RAB40B: variants seen among roughly 807,000 people sequenced by gnomAD.
RAB40B encodes ras-related protein Rab-40B.
Under a neutral mutation model 24.0 loss-of-function variants are expected in RAB40B, and 21 were observed. That is an observed-to-expected ratio of 0.88 (90% confidence interval 0.62 to 1.26). RAB40B has a LOEUF of 1.26. Among genes scored for constraint, RAB40B ranks in the 50% most tolerant of loss-of-function variants. RAB40B has a pLI of 0.00. For missense variants in RAB40B, 348 were observed against 390.5 expected (o/e 0.89, Z 0.92); for synonymous variants, 167 against 169.8 (o/e 0.98, Z 0.13).
At position 82,667,010 on chromosome 17, in the gene RAB40B, G is replaced by A. The variant is rs181083088; in HGVS notation, c.143-2454C>T. Among the ~76,000 whole-genome samples, 65 of 152,300 alleles carry A rather than the reference G, an allele frequency of 4.3e-4. No homozygotes were observed. The highest frequency in any genetic ancestry group is 3.4e-3 in the Middle Eastern group (1 of 294). ...CTGAGAGGCCGAGGGGAGAAGCAGC[G>A]CCGAGGCTCGCACCAGACCTCACCC... is the stretch of plus-strand genomic sequence containing the variant. On this transcript the variant is annotated intron_variant, in intron 1 of 5. Transcript: ENST00000571995. The surrounding 1 kb of genome is among the most constrained non-coding windows in gnomAD (Gnocchi z 4.3).
chr17:82,665,846 G>A (rs145627597), intron 1 of RAB40B, among the ~76,000 whole-genome samples: 5,059 of 150,508 alleles, frequency 0.034, 307 homozygotes, highest in African/African-American at 0.12. Context: ...CAGCCTGGGC[G>A]ACAGAGGGAG....
At chr17:82,696,927 T>A (rs2143568744) in intron 1 of RAB40B, 1 of 154,622 alleles carries the variant, frequency 6.5e-6, no homozygotes, top group South Asian at 1.8e-4. Flanking sequence ...ACGTGGCTCA[T>A]GGCATCCTAC....
intron 1 of RAB40B, among the ~76,000 whole-genome samples, chr17:82,677,338 C>T (rs1352511935): frequency 6.6e-6 from 1 of 152,218 alleles, no homozygotes; most frequent in Non-Finnish European, 1.5e-5. Context: ...AGGTTCTCAG[C>T]CCATCGTAAA....
intron 4 of RAB40B, 132 bp from the exon 5 acceptor site, chr17:82,658,845 G>T: frequency 1.3e-6 from 1 of 771,184 alleles, no homozygotes; most frequent in Non-Finnish European, 2.1e-6. Context: ...ATGGGACCTC[G>T]TTTGGAAAGA....
rs2046626097 is a variant in RAB40B at position 82,697,778 on chromosome 17, C to A, written c.142+677G>T. On this transcript the variant is annotated intron_variant, in intron 1 of 5. Transcript: ENST00000571995. This position sits in a 1 kb window ranked among gnomAD's most constrained non-coding sequence, Gnocchi z 4.9. ...CTTGGGGGATCCCCGGGCTGCCTGC[C>A]TGGGAGCTCTGGGCGCTCCGGCCTC... Among the ~76,000 whole-genome samples the A allele has an allele frequency of 6.6e-6, 1 of 152,240 alleles. No homozygotes were observed. Among genetic ancestry groups the A allele is most frequent in the Admixed American group, 6.5e-5 (1 of 15,292 alleles).
intron 1 of RAB40B, among the ~76,000 whole-genome samples, chr17:82,689,361 G>A (rs1306855694): frequency 6.6e-6 from 1 of 152,232 alleles, no homozygotes; most frequent in Non-Finnish European, 1.5e-5. Flanking sequence ...AGGGGCGATG[G>A]GTGGGCCTCC....
In RAB40B at chr17:82,691,542, C is replaced by T. The variant is rs182812865; in HGVS notation, c.142+6913G>A. Among the ~76,000 whole-genome samples, 44 of 152,216 alleles carry T rather than the reference C, an allele frequency of 2.9e-4. No homozygotes were observed. In the East Asian group the frequency reaches 6.0e-3, roughly 21 times the overall value. The stretch of plus-strand genomic sequence containing the variant: ...TCTCTACTAAAAATACAAAAATTAG[C>T]CGGGCATGGTACACCTGTAATCCCA... On this transcript the variant is annotated intron_variant, in intron 1 of 5. Coordinates refer to ENST00000571995, the MANE Select transcript of RAB40B (RefSeq NM_006822.3).
At position 82,698,601 on chromosome 17, in the gene RAB40B, A is replaced by G; in HGVS notation, c.-5T>C. 1 of 1,445,520 alleles carries G rather than the reference A, an allele frequency of 6.9e-7. No homozygotes were observed. Among genetic ancestry groups the G allele is most frequent in the Non-Finnish European group, 9.2e-7 (1 of 1,083,694 alleles). The allele number at this position is 1,445,520 out of a possible 1,614,324, so 89.5% of individuals were successfully genotyped here. A position where few individuals can be genotyped will look rare whatever the true frequency, so the allele number is the denominator to read the frequency against. ...CGGGCTGCCCAGGGCGCTCATCGTG[A>G]CGGCCCGGCGCCCCCACCCATGCCC... On this transcript the variant is annotated 5_prime_UTR_variant, in exon 1 of 6. Transcript: ENST00000571995.
At position 82,656,302 on chromosome 17, in the gene RAB40B, G is replaced by C. The variant is rs1294803804; in HGVS notation, c.*1561C>G. The C allele has an allele frequency of 6.6e-6, 1 of 152,054 alleles. No homozygotes were observed. The highest frequency in any genetic ancestry group is 1.5e-5 in the Non-Finnish European group (1 of 68,018). 9.4% of individuals were successfully genotyped at this position (152,054 alleles called of 1,614,324 possible). A position where few individuals can be genotyped will look rare whatever the true frequency, so the allele number is the denominator to read the frequency against. ...CATCAGCAGGAACTAGGAACATCTG[G>C]GTATTTTCTCGCTTCGTTTTTTTGG... On this transcript the variant is annotated 3_prime_UTR_variant, in exon 6 of 6. Transcript: ENST00000571995.
chr17:82,664,236 AGCTTGCTCCCTGGGGTGCTGGGCCGATGG>A, intron 2 of RAB40B, among the ~76,000 whole-genome samples: 1 of 37,428 alleles, frequency 2.7e-5, no homozygotes, highest in Middle Eastern at 0.022. Flanking sequence ...TGGTGGGGGG[AGCTTGCTCCCTGGGGTGCTGGGCCGATGG>A]TGGTGGGGGG....
intron 1 of RAB40B, among the ~76,000 whole-genome samples, chr17:82,674,629 A>T (rs2046377972): frequency 9.0e-6 from 1 of 110,572 alleles, no homozygotes; most frequent in Non-Finnish European, 1.9e-5. Flanking sequence ...ACAGAGCAAG[A>T]CTCGTCTTAA....
Position 82,676,714 on chromosome 17 carries a change from G to A in RAB40B, c.143-12158C>T, listed in dbSNP as rs936136922. On this transcript the variant is annotated intron_variant, in intron 1 of 5. Transcript: ENST00000571995. ...GTGATCTCAACTCACTGCAACCTCC[G>A]CCTCCTGGATTCAAGCGATTCTCCT... Among the ~76,000 whole-genome samples, 24 of 151,838 alleles carry A rather than the reference G, an allele frequency of 1.6e-4. No homozygotes were observed. In the Middle Eastern group the frequency reaches 0.01, roughly 65 times the overall value.
In RAB40B at chr17:82,692,610, G is replaced by A. The variant is rs74812537; in HGVS notation, c.142+5845C>T. 0.03 allele frequency among the ~76,000 whole-genome samples: 4,493 copies of A among 152,196 alleles called. 217 individuals carry two copies. The highest frequency in any genetic ancestry group is 0.1 in the African/African-American group (4,287 of 41,454). ...TGCGGGGTGGGGGTGGGGGGCATCC[G>A]ACTGAAAAAAGTGTGTCTCGATCCC... On this transcript the variant is annotated intron_variant, in intron 1 of 5. Coordinates refer to ENST00000571995, the MANE Select transcript of RAB40B (RefSeq NM_006822.3). This position sits in a 1 kb window ranked among gnomAD's most constrained non-coding sequence, Gnocchi z 4.0.
intron 1 of RAB40B, among the ~76,000 whole-genome samples, chr17:82,688,336 C>A (rs1020442657): frequency 6.7e-6 from 1 of 150,120 alleles, no homozygotes; most frequent in African/African-American, 2.4e-5. Flanking sequence ...TGTTTTGGGC[C>A]GGGCACGGTA....
intron 1 of RAB40B, among the ~76,000 whole-genome samples, chr17:82,671,305 C>CT: frequency 7.0e-6 from 1 of 143,692 alleles, no homozygotes; most frequent in Non-Finnish European, 1.6e-5. Flanking sequence ...CACTTCACCC[C>CT]GTAACTCTAA....
At chr17:82,662,423 G>A in intron 2 of RAB40B, 1 of 985,452 alleles carries the variant, frequency 1.0e-6, no homozygotes, top group Non-Finnish European at 1.2e-6. Flanking sequence ...TGAAGTGGGA[G>A]CACTCCCTCC....
chr17:82,677,525 G>T (rs761212011), intron 1 of RAB40B, among the ~76,000 whole-genome samples: 1 of 152,184 alleles, frequency 6.6e-6, no homozygotes, highest in Non-Finnish European at 1.5e-5. Context: ...CCACAGGTCC[G>T]AGGCCCAGAG....
chr17:82,688,258 C>T (rs768375281), intron 1 of RAB40B, among the ~76,000 whole-genome samples: 2 of 152,014 alleles, frequency 1.3e-5, no homozygotes, highest in Admixed American at 6.5e-5. Context: ...TGAGCTCAAG[C>T]GATCCCAAAG....
In RAB40B at chr17:82,675,369, C is replaced by T. The variant is rs1355597433; in HGVS notation, c.143-10813G>A. 1.3e-5 allele frequency among the ~76,000 whole-genome samples: 2 copies of T among 152,182 alleles called. No homozygotes were observed. Among genetic ancestry groups the T allele is most frequent in the Non-Finnish European group, 2.9e-5 (2 of 68,042 alleles). Reference sequence around the variant, plus strand: ...CCAGCTTTGAAAGGACAATGACAGCCGCCTGTCTGACGTGGTCTCCACCAA... The same window carrying T: ...CCAGCTTTGAAAGGACAATGACAGCTGCCTGTCTGACGTGGTCTCCACCAA... On this transcript the variant is annotated intron_variant, in intron 1 of 5. Transcript: ENST00000571995. This position sits in a 1 kb window ranked among gnomAD's most constrained non-coding sequence, Gnocchi z 4.5.
Sources: gnomAD v4.1 joint callset for allele counts (sites outside exome capture counted in the v4.1 genomes callset) on GRCh38, gnomAD v4.1.1 for gene constraint, Gnocchi (gnomAD v3.1) non-coding constraint, MANE v1.5 for transcripts, NCBI Gene and HGNC (gene_info 2026-07-23, HGNC 2026-07-21) for gene names.